QTMAN: variants seen among roughly 807,000 people sequenced by gnomAD.
QTMAN encodes queuosine-tRNA mannosyltransferase, also known as tRNA-queuosine alpha-mannosyltransferase.
At chr2:143,955,141 T>A in the QTMAN span, among the ~76,000 whole-genome samples, 5 of 152,126 alleles carry the variant, frequency 3.3e-5, no homozygotes, top group Non-Finnish European at 7.4e-5. Flanking sequence ...GACACCTGAG[T>A]CTACTAATAA....
the QTMAN span, among the ~76,000 whole-genome samples, chr2:144,042,942 A>G: frequency 6.6e-6 from 1 of 152,032 alleles, no homozygotes; most frequent in Non-Finnish European, 1.5e-5. Context: ...TTTGTAGAAA[A>G]AGCCATCTGT....
chr2:144,011,721 C>T, the QTMAN span: 1 of 984,786 alleles, frequency 1.0e-6, no homozygotes, highest in South Asian at 4.7e-5. Flanking sequence ...AATGTTTGTG[C>T]TGTCCTGGCA....
chr2:144,175,685 AG>A, the QTMAN span, among the ~76,000 whole-genome samples: 1 of 152,158 alleles, frequency 6.6e-6, no homozygotes, highest in Non-Finnish European at 1.5e-5. Flanking sequence ...AGAGAGAGAG[AG>A]AGAGACTTGC....
chr2:144,004,577 AT>A, the QTMAN span, among the ~76,000 whole-genome samples: 1 of 152,002 alleles, frequency 6.6e-6, no homozygotes, highest in Non-Finnish European at 1.5e-5. Context: ...GGCGTTTTAG[AT>A]TTTCATTGAA....
At chr2:144,144,779 C>T in the QTMAN span, among the ~76,000 whole-genome samples, 2 of 151,820 alleles carry the variant, frequency 1.3e-5, no homozygotes, top group Admixed American at 1.3e-4. Flanking sequence ...GCAAGAATTG[C>T]GGGTCTGTTC....
At chr2:144,110,581 T>C in the QTMAN span, among the ~76,000 whole-genome samples, 1 of 151,394 alleles carries the variant, frequency 6.6e-6, no homozygotes, top group African/African-American at 2.4e-5. Flanking sequence ...TAAAACTACA[T>C]AATAGGACTG....
chr2:144,236,522 C>A, the QTMAN span, among the ~76,000 whole-genome samples: 5 of 151,824 alleles, frequency 3.3e-5, no homozygotes, highest in African/African-American at 1.2e-4. Flanking sequence ...CCAAAAAGGA[C>A]CATTTATGAC....
chr2:143,954,331 A>G, the QTMAN span, among the ~76,000 whole-genome samples: 1 of 152,046 alleles, frequency 6.6e-6, no homozygotes, highest in African/African-American at 2.4e-5. Context: ...ACATAAAATC[A>G]AAAGAGTGAA....
At chr2:144,104,231 A>G in the QTMAN span, among the ~76,000 whole-genome samples, 1 of 152,182 alleles carries the variant, frequency 6.6e-6, no homozygotes, top group South Asian at 2.1e-4. Flanking sequence ...TACTGGGTTC[A>G]TCTAACTGGG....
At chr2:144,131,335 C>A in the QTMAN span, among the ~76,000 whole-genome samples, 4 of 151,914 alleles carry the variant, frequency 2.6e-5, no homozygotes, top group Admixed American at 2.6e-4. Flanking sequence ...ACTCCTCCAT[C>A]AAGTTGTCAC....
At chr2:144,303,026 C>T in the QTMAN span, among the ~76,000 whole-genome samples, 3 of 152,074 alleles carry the variant, frequency 2.0e-5, no homozygotes, top group Non-Finnish European at 4.4e-5. Context: ...TGCTTGAACC[C>T]GGAAGGCGGA....
chr2:144,161,104 C>T, the QTMAN span, among the ~76,000 whole-genome samples: 1 of 152,058 alleles, frequency 6.6e-6, no homozygotes, highest in African/African-American at 2.4e-5. Flanking sequence ...AGAGATCATA[C>T]TGAAATCGAG....
the QTMAN span, among the ~76,000 whole-genome samples, chr2:144,142,400 T>A: frequency 2.6e-5 from 4 of 151,958 alleles, no homozygotes; most frequent in Non-Finnish European, 4.4e-5. Flanking sequence ...TCCTTTTTCT[T>A]CGTGGCCCAG....
chr2:144,214,990 C>T, the QTMAN span, among the ~76,000 whole-genome samples: 10 of 152,178 alleles, frequency 6.6e-5, no homozygotes, highest in Admixed American at 6.5e-4. Context: ...TGCCTGTAAT[C>T]CTAGCACTTT....
chr2:144,037,625 T>A, the QTMAN span, among the ~76,000 whole-genome samples: 1 of 152,206 alleles, frequency 6.6e-6, no homozygotes, highest in Non-Finnish European at 1.5e-5. Context: ...TAATAATCCT[T>A]CTTAAATGTG....
At chr2:144,118,653 G>A in the QTMAN span, among the ~76,000 whole-genome samples, 1 of 152,162 alleles carries the variant, frequency 6.6e-6, no homozygotes, top group South Asian at 2.1e-4. Context: ...GGAGGCCGAG[G>A]TGGGTGGATC....
At chr2:144,285,339 T>C in the QTMAN span, among the ~76,000 whole-genome samples, 2 of 152,208 alleles carry the variant, frequency 1.3e-5, no homozygotes, top group African/African-American at 2.4e-5. Context: ...TCTTAACTCA[T>C]ACACTTTCAT....
At chr2:144,042,763 CAAAAAAAAAAA>C in the QTMAN span, among the ~76,000 whole-genome samples, 1 of 64,470 alleles carries the variant, frequency 1.6e-5, no homozygotes, top group Admixed American at 1.5e-4. Flanking sequence ...GACTCTGTCT[CAAAAAAAAAAA>C]AAAAAAAAGA....
At chr2:144,161,242 C>A in the QTMAN span, among the ~76,000 whole-genome samples, 5 of 152,076 alleles carry the variant, frequency 3.3e-5, no homozygotes, top group African/African-American at 1.2e-4. Context: ...TGACTCATAT[C>A]ATCAGATCAC....
Sources: gnomAD v4.1 joint callset for allele counts (sites outside exome capture counted in the v4.1 genomes callset) on GRCh38, gnomAD v4.1.1 for gene constraint, MANE v1.5 for transcripts, NCBI Gene and HGNC (gene_info 2026-07-23, HGNC 2026-07-21) for gene names.